ACOX2: variants seen among roughly 807,000 people sequenced by gnomAD.
ACOX2 encodes the protein acyl-CoA oxidase 2.
ACOX2 carries 59 observed loss-of-function variants against 77.5 expected under a neutral mutation model. That is an observed-to-expected ratio of 0.76 (90% CI 0.62 to 0.95). The LOEUF (loss-of-function observed/expected upper bound fraction) is 0.95, where lower values mean the gene tolerates loss of function less well. Among genes scored for constraint, ACOX2 ranks in the 40% least tolerant of loss-of-function variants. The pLI is 0.00. For synonymous variants in ACOX2, 317 were observed against 340.1 expected (o/e 0.93, Z 0.75); for missense variants, 837 against 880.4 (o/e 0.95, Z 0.62).
chr3:58,530,443 G>A, intron 8 of ACOX2, 23 bp downstream of exon 8: 1 of 1,610,152 alleles, frequency 6.2e-7, no homozygotes, highest in Non-Finnish European at 8.5e-7. Flanking sequence ...ATCTGCGGTA[G>A]TCAGTCACTG....
rs994056208 is a variant in ACOX2, at chr3:58,521,259, C to T, written c.1632+1237G>A. On this transcript the variant is annotated intron_variant, in intron 12 of 14. Coordinates refer to ENST00000302819, the MANE Select transcript of ACOX2 (RefSeq NM_003500.4). This position sits in a 1 kb window ranked among gnomAD's most constrained non-coding sequence, Gnocchi z 4.8. ...TGGTGGGTCACGTGGTGGTGCTCAA[C>T]GTCCAGCCTGCCTGACCAGCCCTGT... Among the ~76,000 whole-genome samples the T allele has an allele frequency of 4.6e-5, 7 of 152,166 alleles. No individual in the cohort carries two copies. The highest frequency in any genetic ancestry group is 6.3e-3 in the Middle Eastern group (2 of 316).
intron 13 of ACOX2, among the ~76,000 whole-genome samples, chr3:58,509,727 T>G (rs1332414723): frequency 7.0e-6 from 1 of 143,434 alleles, no homozygotes; most frequent in Non-Finnish European, 1.5e-5. Context: ...TGCCTCAACC[T>G]CCCGAGTAGT....
At position 58,505,155 on chromosome 3, in the gene ACOX2, G is replaced by T; in HGVS notation, c.*69C>A. On this transcript the variant is annotated 3_prime_UTR_variant, in exon 15 of 15. Coordinates refer to ENST00000302819, the MANE Select transcript of ACOX2 (RefSeq NM_003500.4). This position sits in a 1 kb window ranked among gnomAD's most constrained non-coding sequence, Gnocchi z 4.4. The stretch of plus-strand genomic sequence containing the variant: ...TAAATATCTAATTTAAAATTTTAAT[G>T]TTGCATATATGCCATAGTACCATTA... The T allele has an allele frequency of 7.8e-7, 1 of 1,278,886 alleles. No individual in the cohort carries two copies. The highest frequency in any genetic ancestry group is 1.1e-6 in the Non-Finnish European group (1 of 906,956). The allele number at this position is 1,278,886 out of a possible 1,614,324, so 79.2% of individuals were successfully genotyped here.
At chr3:58,510,650 A>T (rs2063272750) in intron 13 of ACOX2, among the ~76,000 whole-genome samples, 1 of 38,738 alleles carries the variant, frequency 2.6e-5, no homozygotes, top group Non-Finnish European at 4.7e-5. Flanking sequence ...AAAAAAAAAA[A>T]AAAAAAAAAA....
intron 13 of ACOX2, among the ~76,000 whole-genome samples, chr3:58,510,659 A>T (rs2063274133): frequency 8.1e-5 from 2 of 24,792 alleles, no homozygotes; most frequent in African/African-American, 1.7e-4. Flanking sequence ...AAAAAAAAAA[A>T]AAAAATATAT....
In ACOX2 at chr3:58,533,610, G is replaced by A. The variant is rs148326184; in HGVS notation, c.476-58C>T. 1.9e-5 allele frequency: 29 copies of A among 1,527,090 alleles called. No individual in the cohort carries two copies. Among genetic ancestry groups the A allele is most frequent in the Middle Eastern group, 3.4e-4 (2 of 5,908 alleles). 94.6% of individuals were successfully genotyped at this position (1,527,090 alleles called of 1,614,324 possible). Reference sequence around the variant, plus strand: ...CTGAGGTGGGGTTCTTACCTGTGAAGCTGCTTCTAGGTGGGTCTGAACTCT... The same window carrying A: ...CTGAGGTGGGGTTCTTACCTGTGAAACTGCTTCTAGGTGGGTCTGAACTCT... On this transcript the variant is annotated intron_variant, in intron 4 of 14. Transcript: ENST00000302819. This position sits in a 1 kb window ranked among gnomAD's most constrained non-coding sequence, Gnocchi z 5.6.
intron 8 of ACOX2, among the ~76,000 whole-genome samples, chr3:58,529,868 C>A (rs971293966): frequency 6.6e-6 from 1 of 152,198 alleles, no homozygotes; most frequent in Non-Finnish European, 1.5e-5. Context: ...GCTGAGTGTT[C>A]ACAGAGGGTT....
intron 7 of ACOX2, among the ~76,000 whole-genome samples, chr3:58,530,907 G>C (rs1303963962): frequency 6.6e-6 from 1 of 152,180 alleles, no homozygotes; most frequent in Non-Finnish European, 1.5e-5. Context: ...TGGCATTCTG[G>C]CTGGTATCTG....
At chr3:58,516,842 A>T (rs1327788667) in intron 13 of ACOX2, among the ~76,000 whole-genome samples, 2 of 152,196 alleles carry the variant, frequency 1.3e-5, no homozygotes, top group Admixed American at 6.5e-5. Flanking sequence ...GTCTAAAAAA[A>T]AAGAAAAGAA....
rs1016525456 is a variant in ACOX2, at chr3:58,524,941, A to G, written c.1347-336T>C. Among the ~76,000 whole-genome samples, 1 of 152,224 alleles carries G rather than the reference A, an allele frequency of 6.6e-6. No homozygotes were observed. Among genetic ancestry groups the G allele is most frequent in the Admixed American group, 6.5e-5 (1 of 15,286 alleles). On this transcript the variant is annotated intron_variant, in intron 10 of 14. Coordinates refer to ENST00000302819, the MANE Select transcript of ACOX2 (RefSeq NM_003500.4). This position sits in a 1 kb window ranked among gnomAD's most constrained non-coding sequence, Gnocchi z 5.5. ...ATGACTTGTACAGTGACTGGGTGGA[A>G]ATTAAATTTTCTTAGCTGAAAAAAG...
In ACOX2 at chr3:58,535,168, C is replaced by T; in HGVS notation, c.-62G>A. ...CTTCCAACCCGGCTGCTCCGAGGGT[C>T]TGCTCTCAGCATTGGTCAGTGCAAA... is the stretch of plus-strand genomic sequence containing the variant. On this transcript the variant is annotated 5_prime_UTR_variant, in exon 2 of 15. Transcript: ENST00000302819. The surrounding 1 kb of genome is among the most constrained non-coding windows in gnomAD (Gnocchi z 4.8). 6.2e-7 allele frequency: 1 copy of T among 1,602,916 alleles called. No homozygotes were observed. The highest frequency in any genetic ancestry group is 2.2e-5 in the East Asian group (1 of 44,842).
At position 58,519,675 on chromosome 3, in the gene ACOX2, C is replaced by T. The variant is rs547825159; in HGVS notation, c.1633-2252G>A. ...TCTTCAGCTGGGCAGTGACCCGATCCGCTTTCTCACTTGGAAAGAACTTGT... is the reference window on the plus strand; with the variant it reads ...TCTTCAGCTGGGCAGTGACCCGATCTGCTTTCTCACTTGGAAAGAACTTGT... On this transcript the variant is annotated intron_variant, in intron 12 of 14. Coordinates refer to ENST00000302819, the MANE Select transcript of ACOX2 (RefSeq NM_003500.4). This position sits in a 1 kb window ranked among gnomAD's most constrained non-coding sequence, Gnocchi z 5.0. 1.2e-3 allele frequency among the ~76,000 whole-genome samples: 179 copies of T among 152,302 alleles called. No homozygotes were observed. Among genetic ancestry groups the T allele is most frequent in the African/African-American group, 3.9e-3 (164 of 41,584 alleles).
At position 58,533,970 on chromosome 3, in the gene ACOX2, C is replaced by T; in HGVS notation, c.475+24G>A. The T allele has an allele frequency of 3.1e-6, 5 of 1,613,484 alleles. No individual in the cohort carries two copies. Among genetic ancestry groups the T allele is most frequent in the Non-Finnish European group, 4.2e-6 (5 of 1,179,668 alleles). On this transcript the variant is annotated intron_variant, in intron 4 of 14. Coordinates refer to ENST00000302819, the MANE Select transcript of ACOX2 (RefSeq NM_003500.4). This position sits in a 1 kb window ranked among gnomAD's most constrained non-coding sequence, Gnocchi z 5.6. ...AGTTTTGCAGTGCACAACCTAAACA[C>T]CACACGCAGCAGTCCTAGCTCACCA...
intron 13 of ACOX2, among the ~76,000 whole-genome samples, chr3:58,513,228 G>A (rs1282625971): frequency 6.6e-6 from 1 of 152,074 alleles, no homozygotes; most frequent in Admixed American, 6.6e-5. Flanking sequence ...TTTTGTGCAT[G>A]TGTGTGCCTG....
rs771007162 is a variant in ACOX2, at chr3:58,531,750, C to T, written c.646G>A (p.Gly216Ser). ...ATTGGCACAATAAAAGCGTGCATGC[C>T]CCGCCTGGCTCCTGAGCAGATCAGC... ...AQLICSGARR[G>S]MHAFIVPIRS... The change falls in exon 6 of 15, where the codon GGC (glycine) becomes AGC (serine). Residue 216 changes from glycine (G) to serine (S), a missense_variant. Gly to Ser is a moderately conservative substitution (Grantham distance 56). Transcript: ENST00000302819. The surrounding 1 kb of genome is among the most constrained non-coding windows in gnomAD (Gnocchi z 5.8). The T allele has an allele frequency of 7.4e-6, 12 of 1,614,064 alleles. No homozygotes were observed. The East Asian group carries it at 1.6e-4, about 21-fold the overall frequency.
Position 58,512,494 on chromosome 3 carries a change from T to G in ACOX2, c.1851-3469A>C, listed in dbSNP as rs2063295497. ...TATCCAATGCTCAAAACCCTCCCATTCTATCCCATGCTCAAAACCCTCGCA... is the reference window on the plus strand; with the variant it reads ...TATCCAATGCTCAAAACCCTCCCATGCTATCCCATGCTCAAAACCCTCGCA... On this transcript the variant is annotated intron_variant, in intron 13 of 14. Transcript: ENST00000302819. This position sits in a 1 kb window ranked among gnomAD's most constrained non-coding sequence, Gnocchi z 4.8. Among the ~76,000 whole-genome samples, 1 of 152,166 alleles carries G rather than the reference T, an allele frequency of 6.6e-6. No homozygotes were observed. Among genetic ancestry groups the G allele is most frequent in the African/African-American group, 2.4e-5 (1 of 41,442 alleles).
intron 14 of ACOX2, among the ~76,000 whole-genome samples, chr3:58,507,734 G>A (rs975356171): frequency 2.0e-5 from 3 of 152,238 alleles, no homozygotes; most frequent in African/African-American, 7.2e-5. Flanking sequence ...TACTAAAGCA[G>A]TGAACATATA....
intron 12 of ACOX2, 65 bp from the exon 13 acceptor site, chr3:58,517,488 G>A: frequency 6.7e-7 from 1 of 1,496,846 alleles, no homozygotes; most frequent in Non-Finnish European, 9.3e-7. Context: ...CACCCTGGAA[G>A]CATGGCAAGA....
rs2063440371 is a variant in ACOX2 at position 58,531,624 on chromosome 3, C to G, written c.703+69G>C. The G allele has an allele frequency of 1.3e-6, 2 of 1,576,510 alleles. No homozygotes were observed. On this transcript the variant is annotated intron_variant, in intron 6 of 14. Transcript: ENST00000302819. This position sits in a 1 kb window ranked among gnomAD's most constrained non-coding sequence, Gnocchi z 5.8. ...TAGCTACTCCTGTGGCCCTCTGGGGCCCCAGGTCAGGGAGGCCACCTGGGC... is the reference window on the plus strand; with the variant it reads ...TAGCTACTCCTGTGGCCCTCTGGGGGCCCAGGTCAGGGAGGCCACCTGGGC...
Sources: gnomAD v4.1 joint callset for allele counts (sites outside exome capture counted in the v4.1 genomes callset) on GRCh38, gnomAD v4.1.1 for gene constraint, Gnocchi (gnomAD v3.1) non-coding constraint, MANE v1.5 for transcripts, NCBI Gene and HGNC (gene_info 2026-07-23, HGNC 2026-07-21) for gene names.